HLA-F: variants seen among roughly 807,000 people sequenced by gnomAD.
HLA-F encodes major histocompatibility complex, class I, F, also known as HLA class I histocompatibility antigen, alpha chain F.
A neutral mutation model predicts 49.5 loss-of-function variants in HLA-F; 46 were observed. The observed-to-expected ratio is 0.93, with a 90% confidence interval of 0.73 to 1.19. The LOEUF (loss-of-function observed/expected upper bound fraction) is 1.19. Ranked by LOEUF, HLA-F falls within the 50% of genes most tolerant of loss-of-function variation. HLA-F has a pLI of 0.00. For synonymous variants in HLA-F, 203 were observed against 233.5 expected (o/e 0.87, Z 1.19); for missense variants, 496 against 579.6 (o/e 0.86, Z 1.48).
Position 29,727,008 on chromosome 6 carries a change from G to C in HLA-F, c.1162G>C (p.Gly388Arg). The change falls in exon 7 of 7, where the codon GGT (glycine) becomes CGT (arginine). Residue 388 changes from glycine (G) to arginine (R), a missense_variant. Transcript: ENST00000259951. ...CAGTGTCTTGGGCCGCCGGAAGGTG[G>C]GTGACATGTGGATCTTGTTTTTTTT... The part of the protein sequence containing the change: ...SHSVLGRRKV[G>R]DMWILFFLWL... The C allele has an allele frequency of 6.2e-7, 1 of 1,613,532 alleles. No individual in the cohort carries two copies. Among genetic ancestry groups the C allele is most frequent in the Non-Finnish European group, 8.5e-7 (1 of 1,180,046 alleles).
chr6:29,727,037 G>T lies in HLA-F; in HGVS notation c.1191G>T (p.Trp397Cys). ...ACATGTGGATCTTGTTTTTTTTGTGGCTGTGGACATCTTTCAACACTGCCT... is the reference window on the plus strand; with the variant it reads ...ACATGTGGATCTTGTTTTTTTTGTGTCTGTGGACATCTTTCAACACTGCCT... The part of the protein sequence containing the change: ...VGDMWILFFL[W>C]LWTSFNTAFL... The change falls in exon 7 of 7, where the codon TGG becomes TGT. Residue 397 changes from tryptophan (W) to cysteine (C), a missense_variant. Physicochemically the swap from Trp to Cys is radical, Grantham distance 215. Coordinates refer to ENST00000259951, the MANE Select transcript of HLA-F (RefSeq NM_001098479.2). 1.2e-6 allele frequency: 2 copies of T among 1,613,304 alleles called. No homozygotes were observed. The highest frequency in any genetic ancestry group is 3.3e-5 in the Admixed American group (2 of 60,026).
rs1309427511 is a variant in HLA-F at position 29,726,966 on chromosome 6, G to A, written c.1120G>A (p.Gly374Ser). The A allele has an allele frequency of 7.4e-6, 12 of 1,612,666 alleles. No homozygotes were observed. Among genetic ancestry groups the A allele is most frequent in the South Asian group, 2.2e-5 (2 of 91,080 alleles). ...LLGVLFQGYL[G>S]CLRSHSVLGR... ...GGGGGTGCTCTTCCAAGGATATTTGGGCTGCCTCCGGAGTCACAGTGTCTT... is the reference window on the plus strand; with the variant it reads ...GGGGGTGCTCTTCCAAGGATATTTGAGCTGCCTCCGGAGTCACAGTGTCTT... Residue 374 changes from glycine to serine, a missense_variant, in exon 7 of 7, where the codon GGC (glycine) becomes AGC (serine). Physicochemically the swap from Gly to Ser is moderately conservative, Grantham distance 56. Transcript: ENST00000259951.
downstream of HLA-F, among the ~76,000 whole-genome samples, chr6:29,730,769 C>G (rs1385754388): frequency 6.6e-6 from 1 of 152,080 alleles, no homozygotes; most frequent in Non-Finnish European, 1.5e-5. Context: ...CTATGAACAC[C>G]TCAGCCCTTT....
intron 3 of HLA-F, chr6:29,736,175 T>A (rs1390537432): frequency 3.3e-6 from 1 of 299,448 alleles, no homozygotes; most frequent in Non-Finnish European, 6.5e-6. Flanking sequence ...AAGCAACCCA[T>A]GAGCCACTGC....
chr6:29,726,374 G>A (rs1269547017), intron 6 of HLA-F: 6 of 1,610,310 alleles, frequency 3.7e-6, no homozygotes, highest in African/African-American at 2.7e-5. Context: ...TGACTGATAC[G>A]AATTTGTTCA....
chr6:29,726,278 A>C (rs1776069258), intron 6 of HLA-F: 1 of 1,082,264 alleles, frequency 9.2e-7, no homozygotes. Context: ...GGGGGGGAAC[A>C]GAGGGGACTC....
chr6:29,723,941 G>T lies in HLA-F; in HGVS notation c.334+14G>T. 1.3e-6 allele frequency: 2 copies of T among 1,582,364 alleles called. No homozygotes were observed. Among genetic ancestry groups the T allele is most frequent in the East Asian group, 2.3e-5 (1 of 42,988 alleles). ...AGAGCGAGGCTGGTGAGTGAACCCG[G>T]CCGGGGGCGCAGGTCACGACCACCC... is the stretch of plus-strand genomic sequence containing the variant. On this transcript the variant is annotated intron_variant, in intron 2 of 6. Transcript: ENST00000259951.
chr6:29,726,450 A>G, intron 6 of HLA-F: 11 of 1,610,108 alleles, frequency 6.8e-6, no homozygotes, highest in Non-Finnish European at 9.3e-6. Flanking sequence ...ATATCAATGT[A>G]GCAGAATTGC....
intron 6 of HLA-F, 179 bp from the exon 7 acceptor site, chr6:29,726,704 C>A: frequency 7.8e-7 from 1 of 1,280,450 alleles, no homozygotes; most frequent in Non-Finnish European, 1.1e-6. Context: ...ACAACCAAAG[C>A]ATCGTAGTCA....
At chr6:29,726,153 C>CA in intron 6 of HLA-F, 110 bp downstream of exon 6, 1 of 1,158,896 alleles carries the variant, frequency 8.6e-7, no homozygotes, top group East Asian at 2.3e-5. Flanking sequence ...GGGCTCTGAC[C>CA]AGGTCCTGTT....
chr6:29,726,490 T>A, intron 6 of HLA-F: 1 of 1,572,946 alleles, frequency 6.4e-7, no homozygotes, highest in Admixed American at 1.8e-5. Flanking sequence ...ACATAAATTT[T>A]AAAAATAAAG....
rs1256240606 is a variant in HLA-F, at chr6:29,726,527, C to T, written c.1037-356C>T. On this transcript the variant is annotated intron_variant, in intron 6 of 6. Transcript: ENST00000259951. ...ATAAAAATATATCTTTTTATAGATA[C>T]AGGTAGATATGTTTTTATAGCATGC... The T allele has an allele frequency of 3.3e-6, 5 of 1,529,478 alleles. No homozygotes were observed. In the African/African-American group the frequency reaches 7.0e-5, roughly 21 times the overall value. 94.7% of individuals were successfully genotyped at this position (1,529,478 alleles called of 1,614,324 possible).
At chr6:29,731,455 A>C (rs1188502087), downstream of HLA-F, among the ~76,000 whole-genome samples, 1 of 147,588 alleles carries the variant, frequency 6.8e-6, no homozygotes, top group Admixed American at 6.8e-5. Flanking sequence ...GACTGGTGCA[A>C]CACTCAAGAG....
At position 29,726,636 on chromosome 6, in the gene HLA-F, A is replaced by G. The variant is rs1021220032; in HGVS notation, c.1037-247A>G. ...GATTCTTTTAATGGTGAAAAGATAT[A>G]CATATATTTGGAACTAGCCAGCTTG... On this transcript the variant is annotated intron_variant, in intron 6 of 6. Transcript: ENST00000259951. 41 of 1,519,072 alleles carry G rather than the reference A, an allele frequency of 2.7e-5. 1 individual carries two copies. The highest frequency in any genetic ancestry group is 3.6e-5 in the Non-Finnish European group (41 of 1,124,606). The allele number at this position is 1,519,072 out of a possible 1,614,324, so 94.1% of individuals were successfully genotyped here. A position where few individuals can be genotyped will look rare whatever the true frequency, so the allele number is the denominator to read the frequency against.
rs1164368799 is a variant in HLA-F, at chr6:29,725,075, G to T, written c.655G>T (p.Glu219Ter). The change falls in exon 4 of 7, where the codon GAG becomes TAG. Residue 219 changes from glutamate to a stop codon, truncating the protein, a stop_gained. Transcript: ENST00000259951. LOFTEE classifies it high-confidence loss of function. ...HVAHHPISDHEATLRCWALGF... is the reference protein window; with the variant it reads ...HVAHHPISDH ...TGCCCACCACCCCATCTCTGACCAT[G>T]AGGCCACCCTGAGGTGCTGGGCCCT... The T allele has an allele frequency of 1.2e-6, 2 of 1,614,026 alleles. No individual in the cohort carries two copies. Among genetic ancestry groups the T allele is most frequent in the Admixed American group, 3.3e-5 (2 of 60,026 alleles).
At chr6:29,731,278 T>TAGATAGATAGAC (rs1554229368), downstream of HLA-F, among the ~76,000 whole-genome samples, 5 of 151,042 alleles carry the variant, frequency 3.3e-5, no homozygotes, top group Non-Finnish European at 5.9e-5. Context: ...GATAGATAGA[T>TAGATAGATAGAC]AGACAAGAGG....
downstream of HLA-F, among the ~76,000 whole-genome samples, chr6:29,730,970 C>T (rs544924377): frequency 1.3e-4 from 20 of 152,076 alleles, no homozygotes; most frequent in Non-Finnish European, 2.6e-4. Flanking sequence ...ACCTGCTCCC[C>T]GGGGGTCCAC....
At chr6:29,729,546 T>C (rs1035595320), downstream of HLA-F, among the ~76,000 whole-genome samples, 2 of 152,242 alleles carry the variant, frequency 1.3e-5, no homozygotes, top group African/African-American at 2.4e-5. Flanking sequence ...ATAAATCTTT[T>C]AGAAGAAAAC....
intron 3 of HLA-F, chr6:29,736,676 C>T (rs1451973273): frequency 3.6e-6 from 1 of 278,242 alleles, no homozygotes; most frequent in Non-Finnish European, 7.0e-6. Context: ...CAGACACTTT[C>T]TTGATTTCTA....
Sources: allele counts gnomAD v4.1 joint callset (sites outside exome capture counted in the v4.1 genomes callset), GRCh38; gene constraint gnomAD v4.1.1; transcripts MANE v1.5; gene names NCBI Gene and HGNC (gene_info 2026-07-23, HGNC 2026-07-21).